Variants in KCTD1 observed in about 807,000 individuals in gnomAD.
The protein encoded by KCTD1 is potassium channel tetramerization domain containing 1.
A neutral mutation model predicts 66.0 loss-of-function variants in KCTD1; 24 were observed. The observed-to-expected ratio is 0.36, with a 90% CI of 0.26 to 0.51. KCTD1 has a LOEUF of 0.51. KCTD1 is among the 20% of genes least tolerant of loss of function. The pLI is 0.95. For synonymous variants in KCTD1, 511 were observed against 517.2 expected, an observed-to-expected ratio of 0.99 and a Z score of 0.16; for missense variants, 943 against 1,205.2, an observed-to-expected ratio of 0.78 and a Z score of 3.22.
At chr18:26,635,045 G>C (rs541880280) in intron 1 of KCTD1, among the ~76,000 whole-genome samples, 14 of 152,180 alleles carry the variant, frequency 9.2e-5, no homozygotes, top group African/African-American at 3.4e-4. Flanking sequence ...AAATTTTAAT[G>C]TAATTCCAGC....
chr18:26,648,466 C>T (rs1207107531), intron 1 of KCTD1, among the ~76,000 whole-genome samples: 7 of 152,182 alleles, frequency 4.6e-5, no homozygotes, highest in African/African-American at 1.7e-4. Flanking sequence ...TTGCAGTCCT[C>T]ATTAATTTGT....
chr18:26,579,998 T>C (rs772961998), intron 1 of KCTD1, among the ~76,000 whole-genome samples: 1 of 152,184 alleles, frequency 6.6e-6, no homozygotes, highest in Non-Finnish European at 1.5e-5. Context: ...ATAGCCCTTG[T>C]GGATTCTCTC....
intron 1 of KCTD1, among the ~76,000 whole-genome samples, chr18:26,534,620 A>G (rs1261536306): frequency 6.6e-6 from 1 of 152,168 alleles, no homozygotes; most frequent in Admixed American, 6.5e-5. Flanking sequence ...TATTTTATAC[A>G]TATGTATTTT....
At chr18:26,514,650 G>C (rs552568338) in intron 1 of KCTD1, among the ~76,000 whole-genome samples, 59 of 152,208 alleles carry the variant, frequency 3.9e-4, no homozygotes, top group African/African-American at 1.3e-3. Context: ...CTGTTGATAG[G>C]CATGCTCCAG....
intron 3 of KCTD1, among the ~76,000 whole-genome samples, chr18:26,472,241 T>C (rs1203275757): frequency 6.6e-6 from 1 of 152,148 alleles, no homozygotes; most frequent in East Asian, 1.9e-4. Flanking sequence ...TGCAATCACC[T>C]AAACATGAGG....
At chr18:26,580,861 T>C (rs1051156056) in intron 1 of KCTD1, among the ~76,000 whole-genome samples, 3 of 151,956 alleles carry the variant, frequency 2.0e-5, no homozygotes, top group Admixed American at 2.0e-4. Context: ...TTAGTGTTCA[T>C]ACATAAAGTT....
intron 1 of KCTD1, among the ~76,000 whole-genome samples, chr18:26,651,799 A>AAGAAGAAGAAGAAG (rs1555649804): frequency 6.8e-5 from 8 of 117,146 alleles, no homozygotes; most frequent in Non-Finnish European, 1.0e-4. Context: ...AAAAAAAAAA[A>AAGAAGAAGAAGAAG]AAGAAGAAGA....
intron 4 of KCTD1, 109 bp downstream of exon 4, chr18:26,459,511 C>A (rs1326104396): frequency 2.9e-6 from 3 of 1,045,382 alleles, no homozygotes; most frequent in East Asian, 2.4e-5. Context: ...AGAAGTGTCA[C>A]TGAGTGAGTT....
intron 1 of KCTD1, among the ~76,000 whole-genome samples, chr18:26,510,804 T>G (rs1321010591): frequency 6.6e-6 from 1 of 152,326 alleles, no homozygotes. Context: ...ATTCTACAGC[T>G]CAAATATAGC....
At chr18:26,496,340 A>T (rs750984667) in intron 2 of KCTD1, among the ~76,000 whole-genome samples, 68 of 152,318 alleles carry the variant, frequency 4.5e-4, no homozygotes, top group Non-Finnish European at 3.4e-4. Context: ...TGGTGGTAAT[A>T]TATTTTTCTT....
chr18:26,479,071 G>T (rs188647100), intron 2 of KCTD1, among the ~76,000 whole-genome samples: 90 of 152,370 alleles, frequency 5.9e-4, no homozygotes, highest in Non-Finnish European at 1.1e-3. Context: ...AACCTCGGGT[G>T]TGGATGCAAT....
At chr18:26,626,969 A>C (rs1416464093) in intron 1 of KCTD1, among the ~76,000 whole-genome samples, 4 of 152,168 alleles carry the variant, frequency 2.6e-5, no homozygotes, top group Non-Finnish European at 5.9e-5. Context: ...AAAAGTATGG[A>C]ATAATGATGC....
At chr18:26,609,766 A>G (rs773830070) in intron 1 of KCTD1, among the ~76,000 whole-genome samples, 8 of 152,238 alleles carry the variant, frequency 5.3e-5, no homozygotes, top group South Asian at 4.1e-4. Flanking sequence ...AAGAGCCTAG[A>G]ACATAACTTT....
chr18:26,463,816 C>T (rs548876388), intron 3 of KCTD1, among the ~76,000 whole-genome samples: 94 of 152,268 alleles, frequency 6.2e-4, no homozygotes, highest in African/African-American at 8.2e-4. Flanking sequence ...GGATTACAGG[C>T]GTGAGCCACC....
At chr18:26,628,143 A>G (rs1425768378) in intron 1 of KCTD1, among the ~76,000 whole-genome samples, 2 of 152,208 alleles carry the variant, frequency 1.3e-5, no homozygotes, top group Admixed American at 1.3e-4. Flanking sequence ...TGTAAGATAC[A>G]TGTTTCAGAG....
At chr18:26,557,657 C>A (rs1282215939) in intron 1 of KCTD1, among the ~76,000 whole-genome samples, 1 of 152,180 alleles carries the variant, frequency 6.6e-6, no homozygotes, top group Non-Finnish European at 1.5e-5. Context: ...CTTCGAGAAA[C>A]ACTGCCTCAA....
chr18:26,644,766 AAGAG>A (rs538078418), upstream of KCTD1, among the ~76,000 whole-genome samples: 324 of 150,050 alleles, frequency 2.2e-3, 3 homozygotes, highest in East Asian at 5.7e-3. Flanking sequence ...AAAAAAAAAA[AAGAG>A]AGAGAGAGAG....
At chr18:26,586,524 C>T (rs564329227) in intron 1 of KCTD1, among the ~76,000 whole-genome samples, 3 of 152,252 alleles carry the variant, frequency 2.0e-5, no homozygotes, top group East Asian at 3.9e-4. Context: ...GGAAGAGTCG[C>T]ATGTCTAAAT....
intron 1 of KCTD1, among the ~76,000 whole-genome samples, chr18:26,520,060 G>A (rs1031149344): frequency 2.6e-5 from 4 of 152,142 alleles, no homozygotes; most frequent in Non-Finnish European, 4.4e-5. Flanking sequence ...TGTTAATCCC[G>A]TAACACAGGA....
Sources: allele counts gnomAD v4.1 joint callset (sites outside exome capture counted in the v4.1 genomes callset), GRCh38; gene constraint gnomAD v4.1.1; transcripts MANE v1.5; gene names NCBI Gene and HGNC (gene_info 2026-07-23, HGNC 2026-07-21).